The following MYOCD variants were observed in gnomAD, a reference collection of about 807,000 sequenced individuals.
MYOCD encodes the protein myocardin.
MYOCD carries 32 observed loss-of-function variants against 96.1 expected under a neutral mutation model. The ratio of observed to expected loss-of-function variants is 0.33; its 90% CI spans 0.25 to 0.45. MYOCD has a LOEUF of 0.45. Among genes scored for constraint, MYOCD ranks in the 20% least tolerant of loss-of-function variants. The pLI is 1.00. For synonymous variants in MYOCD, 469 were observed against 469.0 expected (o/e 1.00, Z 0.00); for missense variants, 1,133 against 1,200.6 (o/e 0.94, Z 0.83).
intron 5 of MYOCD, among the ~76,000 whole-genome samples, chr17:12,725,706 A>G (rs2031978400): frequency 6.6e-6 from 1 of 151,356 alleles, no homozygotes; most frequent in Non-Finnish European, 1.5e-5. Context: ...GTTTTATATT[A>G]TGTTATAATG....
chr17:12,669,594 A>G (rs1909575496), intron 1 of MYOCD, among the ~76,000 whole-genome samples: 1 of 151,878 alleles, frequency 6.6e-6, no homozygotes, highest in African/African-American at 2.4e-5. Flanking sequence ...CTTTTTGGCA[A>G]CCCTACCTAC....
At chr17:12,729,040 C>A (rs1354140293) in intron 5 of MYOCD, among the ~76,000 whole-genome samples, 1 of 152,086 alleles carries the variant, frequency 6.6e-6, no homozygotes, top group Non-Finnish European at 1.5e-5. Context: ...TCAGAGACAC[C>A]AAAAGTCTTC....
intron 5 of MYOCD, among the ~76,000 whole-genome samples, chr17:12,735,801 C>T (rs973205839): frequency 2.0e-5 from 3 of 152,198 alleles, no homozygotes; most frequent in Non-Finnish European, 2.9e-5. Flanking sequence ...CGCATGCTCC[C>T]ACCATGTTTT....
chr17:12,763,212 C>T lies in MYOCD; in HGVS notation c.2529C>T (p.Pro843=). The T allele has an allele frequency of 6.2e-7, 1 of 1,614,136 alleles. No homozygotes were observed. The highest frequency in any genetic ancestry group is 2.2e-5 in the East Asian group (1 of 44,874). The change falls in exon 14 of 14, where the codon CCC becomes CCT. Residue 843 remains proline (P), a synonymous_variant. Coordinates refer to ENST00000425538, the MANE Select transcript of MYOCD (RefSeq NM_001146312.3). ...AAGCCTCTTCAGGCAGCCAGATCCC[C>T]TTTGATCCCTATGCCACCGACAGTG... ...FEQASSGSQI[P]FDPYATDSDE... is the part of the protein sequence containing the mutation.
chr17:12,727,685 A>G (rs1323535020), intron 5 of MYOCD, among the ~76,000 whole-genome samples: 1 of 152,136 alleles, frequency 6.6e-6, no homozygotes, highest in Non-Finnish European at 1.5e-5. Flanking sequence ...AAGGACCAAC[A>G]ATTCTCCAAC....
chr17:12,674,878 G>A (rs887833493), intron 1 of MYOCD, among the ~76,000 whole-genome samples: 18 of 152,162 alleles, frequency 1.2e-4, no homozygotes, highest in African/African-American at 4.3e-4. Flanking sequence ...TCATCTCAGT[G>A]TAGGACAAGC....
At position 12,764,566 on chromosome 17, in the gene MYOCD, G is replaced by C. The variant is rs1408032580; in HGVS notation, c.*922G>C. 3 of 152,268 alleles carry C rather than the reference G, an allele frequency of 2.0e-5. No individual in the cohort carries two copies. Among genetic ancestry groups the C allele is most frequent in the Admixed American group, 6.5e-5 (1 of 15,284 alleles). The allele number at this position is 152,268 out of a possible 1,614,324, so 9.4% of individuals were successfully genotyped here. ...ACCAGGGATAATTCAGACAGGACTA[G>C]AGAATAACATCATTTCACATACCCT... On this transcript the variant is annotated 3_prime_UTR_variant, in exon 14 of 14. Coordinates refer to ENST00000425538, the MANE Select transcript of MYOCD (RefSeq NM_001146312.3).
At chr17:12,736,494 C>G (rs1435698435) in intron 6 of MYOCD, among the ~76,000 whole-genome samples, 158 bp downstream of exon 6, 1 of 152,222 alleles carries the variant, frequency 6.6e-6, no homozygotes, top group Non-Finnish European at 1.5e-5. Context: ...TCACTCTATT[C>G]AGCGCAGGCC....
intron 1 of MYOCD, among the ~76,000 whole-genome samples, chr17:12,671,133 T>G (rs1433843290): frequency 1.3e-5 from 2 of 152,250 alleles, no homozygotes; most frequent in Non-Finnish European, 2.9e-5. Context: ...TACTTGTTTA[T>G]TCGTGTTTGG....
chr17:12,747,061 A>G (rs928828321), intron 9 of MYOCD, among the ~76,000 whole-genome samples: 1 of 151,376 alleles, frequency 6.6e-6, no homozygotes, highest in East Asian at 1.9e-4. Flanking sequence ...AATATAAACC[A>G]TCTGTCATTC....
Position 12,679,894 on chromosome 17 carries a change from A to T in MYOCD, c.55+13651A>T, listed in dbSNP as rs559006204. On this transcript the variant is annotated intron_variant, in intron 1 of 13. Transcript: ENST00000425538. ...CATGTTCAGGTATATGAATCAGAAGAAAAAAGGCAAAGTATTAGCAGGTGC... is the reference window on the plus strand; with the variant it reads ...CATGTTCAGGTATATGAATCAGAAGTAAAAAGGCAAAGTATTAGCAGGTGC... 3.0e-4 allele frequency among the ~76,000 whole-genome samples: 46 copies of T among 152,336 alleles called. 1 individual carries two copies. The South Asian group carries it at 9.3e-3, about 31-fold the overall frequency.
chr17:12,689,728 G>A (rs1433152931), intron 1 of MYOCD, among the ~76,000 whole-genome samples: 2 of 152,128 alleles, frequency 1.3e-5, no homozygotes, highest in African/African-American at 4.8e-5. Flanking sequence ...CTACTCAGGA[G>A]GCTGAGGCAG....
rs2033300614 is a variant in MYOCD at position 12,765,113 on chromosome 17, G to C, written c.*1469G>C. On this transcript the variant is annotated 3_prime_UTR_variant, in exon 14 of 14. Transcript: ENST00000425538. ...GCATTGAAAACGATGGAAGGAAAAA[G>C]ACAATGGTCTAATGTGCATTCCTCA... The C allele has an allele frequency of 1.3e-5, 2 of 152,152 alleles. No individual in the cohort carries two copies. The highest frequency in any genetic ancestry group is 4.8e-5 in the African/African-American group (2 of 41,426). 9.4% of individuals were successfully genotyped at this position (152,152 alleles called of 1,614,324 possible). A position where few individuals can be genotyped will look rare whatever the true frequency, so the allele number is the denominator to read the frequency against.
chr17:12,737,707 G>C (rs1397697185), intron 6 of MYOCD, among the ~76,000 whole-genome samples: 1 of 152,060 alleles, frequency 6.6e-6, no homozygotes, highest in African/African-American at 2.4e-5. Flanking sequence ...TTTGAAAGCT[G>C]GGTTATTTTT....
At chr17:12,676,903 A>C (rs915586819) in intron 1 of MYOCD, among the ~76,000 whole-genome samples, 1 of 152,188 alleles carries the variant, frequency 6.6e-6, no homozygotes, top group Non-Finnish European at 1.5e-5. Context: ...TCTATGTGTA[A>C]ATGTGGAAAC....
At chr17:12,680,811 G>A (rs1910411399) in intron 1 of MYOCD, among the ~76,000 whole-genome samples, 2 of 152,148 alleles carry the variant, frequency 1.3e-5, no homozygotes, top group Non-Finnish European at 2.9e-5. Flanking sequence ...AGTTCCCCGC[G>A]GCTGAACAGC....
intron 1 of MYOCD, among the ~76,000 whole-genome samples, chr17:12,688,878 T>G (rs1044682813): frequency 2.0e-5 from 3 of 152,132 alleles, no homozygotes; most frequent in Non-Finnish European, 2.9e-5. Flanking sequence ...CTATTTCTTG[T>G]TTCCCTCCTG....
In MYOCD at chr17:12,752,724, C is replaced by G. The variant is rs767394473; in HGVS notation, c.1436C>G (p.Ser479Cys). 2.7e-5 allele frequency: 44 copies of G among 1,614,044 alleles called. No homozygotes were observed. Among genetic ancestry groups the G allele is most frequent in the Middle Eastern group, 1.6e-4 (1 of 6,084 alleles). ...CTGCCGGACACCTTCAATGATGCCT[C>G]CCCCTCCTTCGGCCTGCACCCGTCC... Reference protein sequence around the residue: ...GSLPDTFNDASPSFGLHPSPV... With the variant: ...GSLPDTFNDACPSFGLHPSPV... Residue 479 changes from serine to cysteine, a missense_variant, in exon 10 of 14, where the codon TCC (serine) becomes TGC (cysteine). Coordinates refer to ENST00000425538, the MANE Select transcript of MYOCD (RefSeq NM_001146312.3).
rs778853373 is a variant in MYOCD at position 12,702,401 on chromosome 17, T to C, written c.56-2727T>C. Among the ~76,000 whole-genome samples, 8 of 152,104 alleles carry C rather than the reference T, an allele frequency of 5.3e-5. No individual in the cohort carries two copies. In the South Asian group the frequency reaches 8.3e-4, roughly 16 times the overall value. On this transcript the variant is annotated intron_variant, in intron 1 of 13. Coordinates refer to ENST00000425538, the MANE Select transcript of MYOCD (RefSeq NM_001146312.3). Reference sequence around the variant, plus strand: ...TGCTGTCTGTATGGTATACCTTTTTTCCATCTACTTACTTTCAACCAATCT... The same window carrying C: ...TGCTGTCTGTATGGTATACCTTTTTCCCATCTACTTACTTTCAACCAATCT...
Sources: allele counts gnomAD v4.1 joint callset (sites outside exome capture counted in the v4.1 genomes callset), GRCh38; gene constraint gnomAD v4.1.1; transcripts MANE v1.5; gene names NCBI Gene and HGNC (gene_info 2026-07-23, HGNC 2026-07-21).